The following ZC3H12B variants were observed in gnomAD, a reference collection of about 807,000 sequenced individuals.
The protein encoded by ZC3H12B is probable ribonuclease ZC3H12B.
Under a neutral mutation model 43.9 loss-of-function variants are expected in ZC3H12B, and 7 were observed. The observed-to-expected ratio is 0.16, with a 90% confidence interval of 0.09 to 0.30. The LOEUF (loss-of-function observed/expected upper bound fraction) is 0.30. Ranked by LOEUF, ZC3H12B falls within the 10% of genes least tolerant of loss-of-function variation. The probability of loss-of-function intolerance (pLI) is 1.00; values close to 1 mark genes in which losing one functional copy is unlikely to be tolerated. For missense variants in ZC3H12B, 475 were observed against 670.2 expected, an observed-to-expected ratio of 0.71 and a Z score of 3.22; for synonymous variants, 222 against 241.7, an observed-to-expected ratio of 0.92 and a Z score of 0.76.
rs189424893 is a variant in ZC3H12B, at chrX:65,459,189, A to G, written n.408-29457A>G. ...AGTTGAATCTGAATAGACCAATAAC[A>G]GGCTCTGAAATTGAGGCAATAATTA... is the stretch of plus-strand genomic sequence containing the variant. On this transcript the variant is annotated intron_variant and non_coding_transcript_variant, in intron 3 of 5. Transcript: ENST00000617377. Among the ~76,000 whole-genome samples, 11 of 112,112 alleles carry G rather than the reference A, an allele frequency of 9.8e-5. No individual in the cohort carries two copies. The East Asian group carries it at 2.8e-3, about 28-fold the overall frequency.
the ZC3H12B span, among the ~76,000 whole-genome samples, chrX:65,342,979 G>T: frequency 9.0e-6 from 1 of 110,622 alleles, no homozygotes. Flanking sequence ...AACAACAAAG[G>T]AGATACTACC....
intron 1 of ZC3H12B, 31 bp downstream of exon 6, chrX:65,489,440 TA>T (rs2148224910): frequency 1.7e-6 from 2 of 1,154,394 alleles, no homozygotes; most frequent in South Asian, 2.1e-5. Flanking sequence ...TCTCCCATTT[TA>T]AAAAACTGCC....
the ZC3H12B span, among the ~76,000 whole-genome samples, chrX:65,147,508 G>A: frequency 9.0e-6 from 1 of 111,215 alleles, no homozygotes; most frequent in African/African-American, 3.3e-5. Flanking sequence ...ATTCTTTGAT[G>A]GTCCTTGAGC....
chrX:65,230,371 C>T, the ZC3H12B span, among the ~76,000 whole-genome samples: 1 of 107,383 alleles, frequency 9.3e-6, no homozygotes, highest in Non-Finnish European at 1.9e-5. Flanking sequence ...ACATCACACT[C>T]TGGGGACTGT....
chrX:65,231,211 G>T, the ZC3H12B span, among the ~76,000 whole-genome samples: 8 of 110,934 alleles, frequency 7.2e-5, no homozygotes, highest in African/African-American at 2.0e-4. Context: ...GGGAGGGGGT[G>T]TACGAATAGG....
At chrX:65,290,238 C>A in the ZC3H12B span, among the ~76,000 whole-genome samples, 2 of 110,415 alleles carry the variant, frequency 1.8e-5, no homozygotes, top group Middle Eastern at 4.3e-3. Flanking sequence ...AAATGCTGAA[C>A]ATCACTAATC....
chrX:65,374,110 TTATATATAACTATATATAGTG>T (rs1246890676), intron 2 of ZC3H12B, among the ~76,000 whole-genome samples: 2 of 69,028 alleles, frequency 2.9e-5, no homozygotes, highest in Non-Finnish European at 4.8e-5. Context: ...TATATATAGG[TTATATATAACTATATATAGTG>T]TATATATAAC....
chrX:65,462,500 C>CA (rs1219920265), intron 3 of ZC3H12B, among the ~76,000 whole-genome samples: 2 of 110,986 alleles, frequency 1.8e-5, no homozygotes, highest in African/African-American at 3.3e-5. Context: ...GACGCCGTCT[C>CA]AAAAAAATAA....
At chrX:65,188,748 G>T in the ZC3H12B span, among the ~76,000 whole-genome samples, 15,501 of 107,887 alleles carry the variant, frequency 0.14, 2,728 homozygotes, top group African/African-American at 0.49. Context: ...TTTGTATATT[G>T]ATTTCATATG....
the ZC3H12B span, among the ~76,000 whole-genome samples, chrX:65,291,345 T>G: frequency 8.9e-6 from 1 of 112,288 alleles, no homozygotes; most frequent in Non-Finnish European, 1.9e-5. Context: ...ATATTTTCAC[T>G]ATCATGTGAA....
the ZC3H12B span, among the ~76,000 whole-genome samples, chrX:65,124,437 G>T: frequency 1.8e-5 from 2 of 110,566 alleles, no homozygotes; most frequent in Non-Finnish European, 3.8e-5. Flanking sequence ...AGGGATATTG[G>T]TCTGTAGTTT....
At chrX:65,132,066 T>C in the ZC3H12B span, among the ~76,000 whole-genome samples, 1 of 111,214 alleles carries the variant, frequency 9.0e-6, no homozygotes, top group East Asian at 2.8e-4. Context: ...GGTGTCAGGG[T>C]CAGTCCAGGT....
At chrX:65,067,404 C>T in the ZC3H12B span, among the ~76,000 whole-genome samples, 46 of 111,369 alleles carry the variant, frequency 4.1e-4, 1 homozygote, top group African/African-American at 1.4e-3. Flanking sequence ...GGGAGTTCAC[C>T]GGCACCTTGA....
the ZC3H12B span, among the ~76,000 whole-genome samples, chrX:65,174,684 C>T: frequency 5.4e-5 from 6 of 111,640 alleles, no homozygotes; most frequent in Non-Finnish European, 7.5e-5. Context: ...AGGGGAAAAC[C>T]GCCTACTCTA....
the ZC3H12B span, among the ~76,000 whole-genome samples, chrX:65,156,068 G>C: frequency 9.1e-6 from 1 of 110,135 alleles, no homozygotes; most frequent in Non-Finnish European, 1.9e-5. Context: ...GGCAAGTTGG[G>C]TCTTTATAGA....
At chrX:65,121,837 G>A in the ZC3H12B span, among the ~76,000 whole-genome samples, 2 of 111,137 alleles carry the variant, frequency 1.8e-5, no homozygotes, top group Non-Finnish European at 3.8e-5. Context: ...ATTCTAGTAT[G>A]TTGTGTCTTT....
the ZC3H12B span, among the ~76,000 whole-genome samples, chrX:65,297,356 G>A: frequency 1.2e-4 from 13 of 110,383 alleles, no homozygotes; most frequent in South Asian, 1.5e-3. Flanking sequence ...CACCAAGAGC[G>A]ACCAAGAGGA....
intron 2 of ZC3H12B, among the ~76,000 whole-genome samples, chrX:65,374,715 T>C (rs765179283): frequency 2.7e-5 from 3 of 111,193 alleles, no homozygotes; most frequent in Non-Finnish European, 5.7e-5. Context: ...AGAAGTTTAA[T>C]TGACTTAGGT....
upstream of ZC3H12B, among the ~76,000 whole-genome samples, chrX:65,365,698 C>G (rs1165483627): frequency 9.0e-6 from 1 of 111,198 alleles, no homozygotes; most frequent in Non-Finnish European, 1.9e-5. Context: ...GCCATCATAT[C>G]CCCTGTGACT....
Sources: gnomAD v4.1 joint callset for allele counts (sites outside exome capture counted in the v4.1 genomes callset) on GRCh38, gnomAD v4.1.1 for gene constraint, MANE v1.5 for transcripts, NCBI Gene and HGNC (gene_info 2026-07-23, HGNC 2026-07-21) for gene names.